The following CHST7 variants were observed in gnomAD, a reference collection of about 807,000 sequenced individuals.
CHST7 encodes carbohydrate sulfotransferase 7.
In CHST7, 5 loss-of-function variants were observed where a neutral mutation model predicts 9.0. That is an observed-to-expected ratio of 0.56 (90% CI 0.29 to 1.17). The LOEUF (loss-of-function observed/expected upper bound fraction) is 1.17, where lower values mean the gene tolerates loss of function less well. CHST7 is among the 50% of genes most tolerant of loss of function. CHST7 has a pLI of 0.08. For synonymous variants in CHST7, 244 were observed against 237.1 expected (o/e 1.03, Z -0.27); for missense variants, 377 against 485.1 (o/e 0.78, Z 2.09).
chrX:46,577,438 G>A (rs1942505126), intron 1 of CHST7, among the ~76,000 whole-genome samples: 1 of 111,078 alleles, frequency 9.0e-6, no homozygotes, highest in East Asian at 2.8e-4. Flanking sequence ...TTGTATTCTT[G>A]GTTCCTAGGA....
At chrX:46,590,712 TTG>T (rs1942569635) in intron 1 of CHST7, among the ~76,000 whole-genome samples, 1 of 111,901 alleles carries the variant, frequency 8.9e-6, no homozygotes, top group South Asian at 3.7e-4. Flanking sequence ...TGTACTCATT[TTG>T]TGTGTGTGTA....
At position 46,573,888 on chromosome X, in the gene CHST7, G is replaced by T; in HGVS notation, c.-44G>T. On this transcript the variant is annotated 5_prime_UTR_variant, in exon 1 of 2. Coordinates refer to ENST00000276055, the MANE Select transcript of CHST7 (RefSeq NM_019886.4). Reference sequence around the variant, plus strand: ...ACCTGGCACGGGATTTCTGAGGAACGGGAGAAGACTGGCGCCCGACCCGCT... The same window carrying T: ...ACCTGGCACGGGATTTCTGAGGAACTGGAGAAGACTGGCGCCCGACCCGCT... 5.2e-6 allele frequency: 6 copies of T among 1,153,193 alleles called. No individual in the cohort carries two copies. The highest frequency in any genetic ancestry group is 3.4e-6 in the Non-Finnish European group (3 of 871,769).
chrX:46,575,123 C>T lies in CHST7; in HGVS notation c.1192C>T (p.Leu398Phe), dbSNP rs766775722. ...RLLRFSGLRALAALDAFALNM... is the reference protein window; with the variant it reads ...RLLRFSGLRAFAALDAFALNM... ...GCTGCGCTTCTCCGGGCTACGCGCGCTCGCAGCGCTCGATGCCTTCGCGCT... is the reference window on the plus strand; with the variant it reads ...GCTGCGCTTCTCCGGGCTACGCGCGTTCGCAGCGCTCGATGCCTTCGCGCT... Residue 398 changes from leucine (L) to phenylalanine (F), a missense_variant, in exon 1 of 2, where the codon CTC (leucine) becomes TTC (phenylalanine). Physicochemically the swap from Leu to Phe is conservative, Grantham distance 22 (BLOSUM62 0). Transcript: ENST00000276055. 3.6e-6 allele frequency: 4 copies of T among 1,100,365 alleles called. No individual in the cohort carries two copies. Among genetic ancestry groups the T allele is most frequent in the Non-Finnish European group, 4.7e-6 (4 of 850,129 alleles). 90.7% of individuals were successfully genotyped at this position (1,100,365 alleles called of 1,213,427 possible). A position where few individuals can be genotyped will look rare whatever the true frequency, so the allele number is the denominator to read the frequency against.
intron 1 of CHST7, among the ~76,000 whole-genome samples, chrX:46,589,543 C>G (rs1460689228): frequency 3.8e-5 from 4 of 105,347 alleles, no homozygotes; most frequent in Non-Finnish European, 7.8e-5. Flanking sequence ...GAGAGAGACT[C>G]TGTCTCAAAA....
intron 1 of CHST7, among the ~76,000 whole-genome samples, chrX:46,588,475 G>A (rs1029134306): frequency 9.0e-5 from 10 of 111,244 alleles, no homozygotes; most frequent in African/African-American, 2.9e-4. Context: ...TGCTAAAAGC[G>A]CGTCTTCCTG....
chrX:46,573,784 A>C lies in CHST7; in HGVS notation c.-148A>C. 1 of 929,847 alleles carries C rather than the reference A, an allele frequency of 1.1e-6. No individual in the cohort carries two copies. Among genetic ancestry groups the C allele is most frequent in the Non-Finnish European group, 1.4e-6 (1 of 702,660 alleles). The allele number at this position is 929,847 out of a possible 1,213,427, so 76.6% of individuals were successfully genotyped here. A position where few individuals can be genotyped will look rare whatever the true frequency, so the allele number is the denominator to read the frequency against. On this transcript the variant is annotated 5_prime_UTR_variant, in exon 1 of 2. Coordinates refer to ENST00000276055, the MANE Select transcript of CHST7 (RefSeq NM_019886.4). ...GCCGTCAGTAGCACCACCGCCTTCC[A>C]AGTTTCCCCTTGTGGATGCGCGGCC...
At chrX:46,590,577 C>T in intron 1 of CHST7, among the ~76,000 whole-genome samples, 1 of 111,487 alleles carries the variant, frequency 9.0e-6, no homozygotes, top group Middle Eastern at 4.6e-3. Flanking sequence ...TACAAGAGGT[C>T]CAGTGTACCC....
intron 1 of CHST7, among the ~76,000 whole-genome samples, chrX:46,583,096 G>A (rs1942533068): frequency 9.0e-6 from 1 of 111,104 alleles, no homozygotes; most frequent in Non-Finnish European, 1.9e-5. Flanking sequence ...CCCTCAGCAT[G>A]AGCAGGCCAG....
At chrX:46,595,015 T>A (rs1043635739) in intron 1 of CHST7, among the ~76,000 whole-genome samples, 1 of 112,357 alleles carries the variant, frequency 8.9e-6, no homozygotes, top group African/African-American at 3.2e-5. Context: ...TACTCTATCA[T>A]CTCTATTCTG....
intron 1 of CHST7, among the ~76,000 whole-genome samples, chrX:46,583,743 C>T (rs1043465826): frequency 8.9e-6 from 1 of 111,968 alleles, no homozygotes; most frequent in African/African-American, 3.3e-5. Context: ...GATTTCAAGT[C>T]CTCTCTCCTG....
chrX:46,589,810 G>C (rs1942565635), intron 1 of CHST7, among the ~76,000 whole-genome samples: 1 of 111,347 alleles, frequency 9.0e-6, no homozygotes, highest in Non-Finnish European at 1.9e-5. Context: ...TCAGGAACTA[G>C]AGGCCAACAC....
chrX:46,579,375 T>C (rs1346092904), intron 1 of CHST7, among the ~76,000 whole-genome samples: 1 of 112,317 alleles, frequency 8.9e-6, no homozygotes, highest in Non-Finnish European at 1.9e-5. Context: ...ACCACTGTTC[T>C]GGACAGACTG....
At chrX:46,595,062 T>C (rs1569493148) in intron 1 of CHST7, among the ~76,000 whole-genome samples, 2 of 112,709 alleles carry the variant, frequency 1.8e-5, no homozygotes, top group Non-Finnish European at 1.9e-5. Flanking sequence ...CAAATTTTTG[T>C]TATTGTATTT....
chrX:46,584,535 CAAAA>C (rs397777408), intron 1 of CHST7, among the ~76,000 whole-genome samples: 1 of 52,754 alleles, frequency 1.9e-5, no homozygotes. Context: ...GAAACTGTCT[CAAAA>C]AAAAAAAAAA....
chrX:46,575,924 A>G (rs1218233348), intron 1 of CHST7, among the ~76,000 whole-genome samples: 1 of 111,780 alleles, frequency 8.9e-6, no homozygotes, highest in Admixed American at 9.4e-5. Flanking sequence ...GTGGAAAGGC[A>G]TTGATTCTAA....
chrX:46,575,166 CG>C lies in CHST7; in HGVS notation c.1237del (p.Ala413ProfsTer26), dbSNP rs1328636952. 1 of 1,094,834 alleles carries C rather than the reference CG, an allele frequency of 9.1e-7. No individual in the cohort carries two copies. Among genetic ancestry groups the C allele is most frequent in the Non-Finnish European group, 1.2e-6 (1 of 847,830 alleles). The allele number at this position is 1,094,834 out of a possible 1,213,427, so 90.2% of individuals were successfully genotyped here. A position where few individuals can be genotyped will look rare whatever the true frequency, so the allele number is the denominator to read the frequency against. ...TTCGCGCTCAACATGACTCGCGGCG[CG>C]GCCTACGGCGCCGACCGGCCCTTCC... ...DAFALNMTRG[A>X]AYGADRPFHL... is the part of the protein sequence containing the mutation. On this transcript the variant is annotated frameshift_variant, in exon 1 of 2. Transcript: ENST00000276055. LOFTEE classifies it low-confidence loss of function (END_TRUNC).
At chrX:46,585,290 CTTTTCTTTTTTTTTTTTT>C (rs1942543990) in intron 1 of CHST7, among the ~76,000 whole-genome samples, 2 of 61,915 alleles carry the variant, frequency 3.2e-5, no homozygotes, top group East Asian at 1.2e-3. Context: ...TTTTTCTTTT[CTTTTCTTTTTTTTTTTTT>C]TGAGACAGTC....
Position 46,573,911 on chromosome X carries a change from G to A in CHST7, c.-21G>A. 3 of 1,155,305 alleles carry A rather than the reference G, an allele frequency of 2.6e-6. No individual in the cohort carries two copies. The highest frequency in any genetic ancestry group is 1.1e-6 in the Non-Finnish European group (1 of 872,466). On this transcript the variant is annotated 5_prime_UTR_variant, in exon 1 of 2. Coordinates refer to ENST00000276055, the MANE Select transcript of CHST7 (RefSeq NM_019886.4). Reference sequence around the variant, plus strand: ...ACGGGAGAAGACTGGCGCCCGACCCGCTCTGGAGGGTCGGTGAACGATGAA... The same window carrying A: ...ACGGGAGAAGACTGGCGCCCGACCCACTCTGGAGGGTCGGTGAACGATGAA...
In CHST7 at chrX:46,574,986, G is replaced by C; in HGVS notation, c.1055G>C (p.Trp352Ser). The C allele has an allele frequency of 8.7e-7, 1 of 1,147,999 alleles. No individual in the cohort carries two copies. Among genetic ancestry groups the C allele is most frequent in the Non-Finnish European group, 1.1e-6 (1 of 874,716 alleles). The allele number at this position is 1,147,999 out of a possible 1,213,427, so 94.6% of individuals were successfully genotyped here. ...GCGCTCGAGGTGATCTGCGAAGCCT[G>C]GCTGCGCGATCTGCTTTTCGCGCGC... is the stretch of plus-strand genomic sequence containing the variant. ...TGALEVICEA[W>S]LRDLLFARGA... Residue 352 changes from tryptophan (W) to serine (S), a missense_variant, in exon 1 of 2, where the codon TGG becomes TCG. This residue lies in a region of CHST7 where 130 missense variants were observed against 134.9 expected (regional missense o/e 0.96). Coordinates refer to ENST00000276055, the MANE Select transcript of CHST7 (RefSeq NM_019886.4).
Sources: allele counts gnomAD v4.1 joint callset (sites outside exome capture counted in the v4.1 genomes callset), GRCh38; gene constraint gnomAD v4.1.1; regional missense constraint gnomAD v4.1.1; transcripts MANE v1.5; gene names NCBI Gene and HGNC (gene_info 2026-07-23, HGNC 2026-07-21).